Variants in PARD3 observed in about 807,000 individuals in gnomAD.
The protein encoded by PARD3 is par-3 family cell polarity regulator, also known as partitioning defective 3 homolog.
A neutral mutation model predicts 155.4 loss-of-function variants in PARD3; 75 were observed. The ratio of observed to expected loss-of-function variants is 0.48; its 90% CI spans 0.40 to 0.58. The LOEUF (loss-of-function observed/expected upper bound fraction) is 0.58. PARD3 is among the 20% of genes least tolerant of loss of function. The pLI, the probability that PARD3 is intolerant of heterozygous loss-of-function variation, is 0.00. For missense variants in PARD3, 1,642 were observed against 1,721.7 expected, an observed-to-expected ratio of 0.95 and a Z score of 0.82; for synonymous variants, 576 against 610.5, an observed-to-expected ratio of 0.94 and a Z score of 0.83.
chr10:34,606,630 C>T (rs1356385262), intron 2 of PARD3, among the ~76,000 whole-genome samples: 23 of 121,660 alleles, frequency 1.9e-4, no homozygotes, highest in Non-Finnish European at 3.0e-4. Context: ...GTGAGACCCC[C>T]GTGTCTTCAA....
At chr10:34,791,443 C>G (rs955800562) in intron 1 of PARD3, among the ~76,000 whole-genome samples, 1 of 152,170 alleles carries the variant, frequency 6.6e-6, no homozygotes, top group Non-Finnish European at 1.5e-5. Context: ...GAAGCCGGCT[C>G]GAAGCCAACA....
At chr10:34,581,234 C>CTTTTTTTTTTTTTTTTTTTTTTTT (rs779658592) in intron 2 of PARD3, among the ~76,000 whole-genome samples, 2 of 101,274 alleles carry the variant, frequency 2.0e-5, no homozygotes, top group Non-Finnish European at 3.7e-5. Flanking sequence ...TTTTTCTTTT[C>CTTTTTTTTTTTTTTTTTTTTTTTT]TTTTTTTTTT....
At chr10:34,536,999 C>T (rs2083276025) in intron 2 of PARD3, among the ~76,000 whole-genome samples, 1 of 152,174 alleles carries the variant, frequency 6.6e-6, no homozygotes, top group African/African-American at 2.4e-5. Flanking sequence ...GAAGCAACTT[C>T]TAAGTTTTGT....
At chr10:34,693,627 G>A (rs918235741) in intron 2 of PARD3, among the ~76,000 whole-genome samples, 2 of 152,124 alleles carry the variant, frequency 1.3e-5, no homozygotes, top group African/African-American at 4.8e-5. Flanking sequence ...CACCTGGGGT[G>A]ACTAATCTGT....
intron 22 of PARD3, among the ~76,000 whole-genome samples, chr10:34,174,562 C>T (rs545335071): frequency 5.3e-5 from 8 of 152,128 alleles, no homozygotes; most frequent in Non-Finnish European, 1.2e-4. Flanking sequence ...ACAGTGAGGC[C>T]ACCTGTCTGG....
chr10:34,688,594 C>T (rs1292998959), intron 2 of PARD3, among the ~76,000 whole-genome samples: 2 of 152,192 alleles, frequency 1.3e-5, no homozygotes, highest in African/African-American at 2.4e-5. Context: ...TACCTTTTTA[C>T]ACTCAAAGAG....
At chr10:34,485,338 A>G (rs995703637) in intron 3 of PARD3, among the ~76,000 whole-genome samples, 2 of 41,016 alleles carry the variant, frequency 4.9e-5, no homozygotes, top group Non-Finnish European at 7.4e-5. Context: ...ACTCTGTCTC[A>G]AAAAAAAAAA....
chr10:34,184,262 G>A (rs1016928845), intron 22 of PARD3, among the ~76,000 whole-genome samples: 7 of 152,134 alleles, frequency 4.6e-5, no homozygotes, highest in Non-Finnish European at 8.8e-5. Flanking sequence ...TTCACCTATG[G>A]TCATAATATC....
At chr10:34,223,775 T>C (rs946296086) in intron 22 of PARD3, among the ~76,000 whole-genome samples, 1 of 152,218 alleles carries the variant, frequency 6.6e-6, no homozygotes, top group Non-Finnish European at 1.5e-5. Context: ...AGCCTCTATA[T>C]ATTTCCTCAT....
chr10:34,191,834 T>C (rs749139124), intron 22 of PARD3, among the ~76,000 whole-genome samples: 1 of 152,168 alleles, frequency 6.6e-6, no homozygotes, highest in Non-Finnish European at 1.5e-5. Flanking sequence ...AACTTCAGAT[T>C]AGGGAACCTG....
intron 14 of PARD3, among the ~76,000 whole-genome samples, chr10:34,357,111 T>G (rs1838966523): frequency 6.6e-6 from 1 of 152,164 alleles, no homozygotes; most frequent in East Asian, 1.9e-4. Context: ...ATAAAATCAG[T>G]GCTTTTATCA....
intron 22 of PARD3, among the ~76,000 whole-genome samples, chr10:34,158,426 C>G (rs559407361): frequency 6.6e-6 from 1 of 152,184 alleles, no homozygotes; most frequent in African/African-American, 2.4e-5. Context: ...ATTCACGATT[C>G]TTTTCCATTT....
At chr10:34,415,214 T>A (rs1295714937) in intron 5 of PARD3, among the ~76,000 whole-genome samples, 1 of 152,106 alleles carries the variant, frequency 6.6e-6, no homozygotes, top group African/African-American at 2.4e-5. Flanking sequence ...GCCGTATATG[T>A]AGTGTTTGTT....
chr10:34,296,940 C>A (rs61840247), intron 20 of PARD3, among the ~76,000 whole-genome samples: 19,315 of 152,060 alleles, frequency 0.13, 1,365 homozygotes, highest in African/African-American at 0.19. Flanking sequence ...TCTTAAAAAC[C>A]AACCAACCAA....
At chr10:34,542,468 G>T (rs558659775) in intron 2 of PARD3, among the ~76,000 whole-genome samples, 58 of 152,136 alleles carry the variant, frequency 3.8e-4, no homozygotes, top group African/African-American at 1.0e-3. Flanking sequence ...ACACAACAAA[G>T]AATAATCCAG....
Position 34,476,627 on chromosome 10 carries a change from T to A in PARD3, c.404-6364A>T, listed in dbSNP as rs191190566. Among the ~76,000 whole-genome samples, 12 of 152,266 alleles carry A rather than the reference T, an allele frequency of 7.9e-5. No individual in the cohort carries two copies. In the East Asian group the frequency reaches 2.3e-3, roughly 29 times the overall value. The stretch of plus-strand genomic sequence containing the variant: ...AGGCTGCATTGCTGGGTTTAGAAGT[T>A]CCCTTTAATACCAAAAAGGTGCGAG... On this transcript the variant is annotated intron_variant, in intron 3 of 24. Coordinates refer to ENST00000374788, the MANE Select transcript of PARD3 (RefSeq NM_001184785.2).
intron 1 of PARD3, among the ~76,000 whole-genome samples, chr10:34,772,792 T>TA (rs555582256): frequency 0.024 from 2,131 of 90,016 alleles, 44 homozygotes; most frequent in African/African-American, 0.052. Context: ...AGACTCCATC[T>TA]AAAAAAAAAA....
intron 2 of PARD3, among the ~76,000 whole-genome samples, chr10:34,557,876 A>T (rs1156646075): frequency 6.6e-6 from 1 of 151,434 alleles, no homozygotes; most frequent in Non-Finnish European, 1.5e-5. Flanking sequence ...TGAGACTTCA[A>T]TGAGCTATGA....
At chr10:34,218,684 G>A (rs527431162) in intron 22 of PARD3, among the ~76,000 whole-genome samples, 2 of 151,924 alleles carry the variant, frequency 1.3e-5, no homozygotes, top group Non-Finnish European at 2.9e-5. Flanking sequence ...AGTTGGAAGA[G>A]GAAGAAAAAA....
Sources: gnomAD v4.1 joint callset for allele counts (sites outside exome capture counted in the v4.1 genomes callset) on GRCh38, gnomAD v4.1.1 for gene constraint, MANE v1.5 for transcripts, NCBI Gene and HGNC (gene_info 2026-07-23, HGNC 2026-07-21) for gene names.